BCL9: variants seen among roughly 807,000 people sequenced by gnomAD.
BCL9 encodes the protein B-cell CLL/lymphoma 9 protein.
A neutral mutation model predicts 88.5 loss-of-function variants in BCL9; 25 were observed. The observed-to-expected ratio is 0.28, with a 90% CI of 0.21 to 0.39. The LOEUF is 0.39. BCL9 is among the 10% of genes least tolerant of loss of function. BCL9 has a pLI of 1.00. For synonymous variants in BCL9, 711 were observed against 673.3 expected, an observed-to-expected ratio of 1.06 and a Z score of -0.87; for missense variants, 1,817 against 1,877.8, an observed-to-expected ratio of 0.97 and a Z score of 0.60.
At chr1:147,589,307 A>G (rs1656749857) in intron 1 of BCL9, among the ~76,000 whole-genome samples, 1 of 152,188 alleles carries the variant, frequency 6.6e-6, no homozygotes. Context: ...GTCTTCTACA[A>G]ATCAGCTTCA....
At chr1:147,608,454 G>A (rs935595967) in intron 3 of BCL9, among the ~76,000 whole-genome samples, 2 of 151,636 alleles carry the variant, frequency 1.3e-5, no homozygotes, top group African/African-American at 2.4e-5. Context: ...AGGCTGGAAG[G>A]GATAGGCTTA....
intron 7 of BCL9, among the ~76,000 whole-genome samples, 181 bp from the exon 8 acceptor site, chr1:147,618,635 T>A (rs1318999671): frequency 1.4e-5 from 2 of 147,566 alleles, no homozygotes; most frequent in African/African-American, 2.5e-5. Flanking sequence ...ACAGTAAGTT[T>A]AAAAAAAAAA....
At chr1:147,606,077 A>G (rs782348703) in intron 2 of BCL9, among the ~76,000 whole-genome samples, 1 of 152,194 alleles carries the variant, frequency 6.6e-6, no homozygotes, top group Non-Finnish European at 1.5e-5. Context: ...CTCCCTTGCC[A>G]CTTCAAAACT....
intron 1 of BCL9, among the ~76,000 whole-genome samples, chr1:147,560,030 A>G (rs976647356): frequency 6.6e-6 from 1 of 152,206 alleles, no homozygotes; most frequent in Non-Finnish European, 1.5e-5. Flanking sequence ...AGAGAACTTC[A>G]TATTTCAGAG....
intron 1 of BCL9, among the ~76,000 whole-genome samples, chr1:147,584,967 G>C (rs780413084): frequency 6.0e-4 from 91 of 152,244 alleles, no homozygotes; most frequent in Non-Finnish European, 1.2e-3. Context: ...GGCATAAAAA[G>C]AGCAAATCTC....
At chr1:147,570,653 T>TTTTTTTTTTTTTG (rs1481643504) in intron 1 of BCL9, among the ~76,000 whole-genome samples, 1 of 51,260 alleles carries the variant, frequency 2.0e-5, no homozygotes, top group Non-Finnish European at 3.5e-5. Flanking sequence ...TTTTTTTTTG[T>TTTTTTTTTTTTTG]AGATGGAGTT....
rs587651804 is a variant in BCL9 at position 147,607,370 on chromosome 1, A to G, written c.-260+504A>G. On this transcript the variant is annotated intron_variant, in intron 3 of 9. Coordinates refer to ENST00000234739, the MANE Select transcript of BCL9 (RefSeq NM_004326.4). ...ATGAAAATTTTTTAAAGCAAATACT[A>G]TGTGCTAGGCACTATAGTAATTGCT... 7.9e-5 allele frequency among the ~76,000 whole-genome samples: 12 copies of G among 152,314 alleles called. No individual in the cohort carries two copies. In the East Asian group the frequency reaches 1.2e-3, roughly 15 times the overall value.
At chr1:147,602,776 C>A (rs1657467358) in intron 1 of BCL9, among the ~76,000 whole-genome samples, 1 of 152,076 alleles carries the variant, frequency 6.6e-6, no homozygotes, top group Non-Finnish European at 1.5e-5. Flanking sequence ...AGTGTCTGCT[C>A]CTGTGAATAA....
chr1:147,554,619 G>A (rs1165975799), intron 1 of BCL9, among the ~76,000 whole-genome samples: 1 of 152,184 alleles, frequency 6.6e-6, no homozygotes, highest in Non-Finnish European at 1.5e-5. Flanking sequence ...AACAGCTCAT[G>A]AGAAAGGCAG....
At chr1:147,590,343 ATCT>A (rs1272832027) in intron 1 of BCL9, among the ~76,000 whole-genome samples, 1 of 152,128 alleles carries the variant, frequency 6.6e-6, no homozygotes, top group Non-Finnish European at 1.5e-5. Context: ...AGCTGCTACA[ATCT>A]TCTTCAGCTA....
At chr1:147,616,057 A>G (rs1386234082) in intron 7 of BCL9, among the ~76,000 whole-genome samples, 155 bp downstream of exon 7, 3 of 152,234 alleles carry the variant, frequency 2.0e-5, no homozygotes, top group South Asian at 2.1e-4. Context: ...GGCATTAGGC[A>G]TATCATACTA....
chr1:147,559,624 C>A (rs947259404), intron 1 of BCL9, among the ~76,000 whole-genome samples: 2 of 152,154 alleles, frequency 1.3e-5, no homozygotes, highest in Non-Finnish European at 2.9e-5. Flanking sequence ...TGATGAAATG[C>A]AGAGATGGTA....
intron 1 of BCL9, among the ~76,000 whole-genome samples, chr1:147,598,647 T>C (rs1657161135): frequency 6.6e-6 from 1 of 152,190 alleles, no homozygotes; most frequent in South Asian, 2.1e-4. Flanking sequence ...CTCCTGGCCA[T>C]ATTGCCTCCA....
intron 1 of BCL9, among the ~76,000 whole-genome samples, chr1:147,579,468 C>A (rs1656264791): frequency 6.6e-6 from 1 of 152,144 alleles, no homozygotes; most frequent in Admixed American, 6.5e-5. Context: ...TGCTGTTCTA[C>A]CCCTGCTAGC....
chr1:147,607,091 G>A (rs1292311617), intron 3 of BCL9, among the ~76,000 whole-genome samples: 1 of 152,098 alleles, frequency 6.6e-6, no homozygotes, highest in East Asian at 1.9e-4. Context: ...TGTGTTATTT[G>A]TGTTTCTGTG....
At chr1:147,550,823 C>T (rs1654865332) in intron 1 of BCL9, among the ~76,000 whole-genome samples, 3 of 152,136 alleles carry the variant, frequency 2.0e-5, no homozygotes, top group Non-Finnish European at 4.4e-5. Context: ...AGTTCATCAT[C>T]TGTAAAATAG....
chr1:147,553,735 A>G (rs782752023), intron 1 of BCL9, among the ~76,000 whole-genome samples: 25 of 152,220 alleles, frequency 1.6e-4, no homozygotes, highest in Admixed American at 3.3e-4. Flanking sequence ...GGGATGAAAG[A>G]CACCATGTAA....
At chr1:147,548,979 CTTTTTTT>C (rs72473603) in intron 1 of BCL9, among the ~76,000 whole-genome samples, 5 of 111,316 alleles carry the variant, frequency 4.5e-5, no homozygotes, top group South Asian at 3.1e-4. Flanking sequence ...TTCTTTCTTT[CTTTTTTT>C]TTTTTTTTTT....
chr1:147,554,997 C>T (rs368674372), intron 1 of BCL9, among the ~76,000 whole-genome samples: 28 of 152,134 alleles, frequency 1.8e-4, no homozygotes, highest in African/African-American at 6.8e-4. Context: ...TTCTTCATCT[C>T]AGAATCAGCA....
Sources: allele counts gnomAD v4.1 joint callset (sites outside exome capture counted in the v4.1 genomes callset), GRCh38; gene constraint gnomAD v4.1.1; transcripts MANE v1.5; gene names NCBI Gene and HGNC (gene_info 2026-07-23, HGNC 2026-07-21).